IL3RA: variants seen among roughly 807,000 people sequenced by gnomAD.
IL3RA encodes interleukin 3 receptor subunit alpha.
IL3RA carries 73 observed loss-of-function variants against 52.3 expected under a neutral mutation model. That is an observed-to-expected ratio of 1.40 (90% CI 1.16 to 1.70). The LOEUF (loss-of-function observed/expected upper bound fraction) is 1.70. Among genes scored for constraint, IL3RA ranks in the 40% most tolerant of loss-of-function variants. The pLI is 0.00. For missense variants in IL3RA, 664 were observed against 504.4 expected (o/e 1.32, Z -3.03); for synonymous variants, 260 against 194.0 (o/e 1.34, Z -2.83).
At chrX:1,337,941 G>A (rs758923918) in intron 1 of IL3RA, among the ~76,000 whole-genome samples, 4 of 147,568 alleles carry the variant, frequency 2.7e-5, no homozygotes, top group Non-Finnish European at 6.0e-5. Context: ...ATACAGCCAT[G>A]AAAAGGAACA....
chrX:1,363,740 G>C (rs2087678348), intron 8 of IL3RA, among the ~76,000 whole-genome samples: 1 of 151,690 alleles, frequency 6.6e-6, no homozygotes, highest in Admixed American at 6.6e-5. Context: ...TTTAATTTCA[G>C]ACAGGCTCTC....
intron 4 of IL3RA, among the ~76,000 whole-genome samples, chrX:1,348,961 TTCTCTC>T (rs764879062): frequency 4.1e-5 from 6 of 145,302 alleles, no homozygotes; most frequent in African/African-American, 1.5e-4. Context: ...CTCCTTCCCT[TTCTCTC>T]TCTCTCTCTT....
chrX:1,348,481 G>A lies in IL3RA; in HGVS notation c.234G>A (p.Val78=), dbSNP rs1338854251. The change falls in exon 4 of 12, where the codon GTG becomes GTA. Residue 78 remains valine, a synonymous_variant. Coordinates refer to ENST00000331035, the MANE Select transcript of IL3RA (RefSeq NM_002183.4). ...CQFGAISLCE[V]TNYTVRVANP... is the part of the protein sequence containing the mutation. The stretch of plus-strand genomic sequence containing the variant: ...TTGGAGCAATTTCCTTATGTGAAGT[G>A]ACCAACTACACCGTCCGAGTGGCCA... The A allele has an allele frequency of 5.6e-6, 9 of 1,613,810 alleles. No individual in the cohort carries two copies. Among genetic ancestry groups the A allele is most frequent in the African/African-American group, 1.3e-5 (1 of 74,912 alleles).
intron 6 of IL3RA, among the ~76,000 whole-genome samples, chrX:1,354,325 C>T (rs1311864211): frequency 1.3e-5 from 2 of 152,010 alleles, no homozygotes; most frequent in Admixed American, 1.3e-4. Flanking sequence ...CCACGATACC[C>T]GAGCTCCGAG....
chrX:1,338,529 T>A (rs1169086694), intron 1 of IL3RA, among the ~76,000 whole-genome samples: 2 of 152,208 alleles, frequency 1.3e-5, no homozygotes. Context: ...AGCCACACGG[T>A]GGAATATTAC....
chrX:1,348,172 C>G (rs1188626455), intron 3 of IL3RA, among the ~76,000 whole-genome samples: 29 of 150,410 alleles, frequency 1.9e-4, no homozygotes, highest in Admixed American at 6.6e-5. Context: ...CATGGTGAAA[C>G]CCTGTCTCTA....
Position 1,348,561 on chromosome X carries a change from A to G in IL3RA, c.298+16A>G. 1.3e-6 allele frequency: 2 copies of G among 1,586,498 alleles called. No homozygotes were observed. The highest frequency in any genetic ancestry group is 1.1e-5 in the South Asian group (1 of 90,560). ...CCTGAGAACAGTGAGAAAAATGTTC[A>G]TTGTTTGTTTATTCTCTATTCCCTC... On this transcript the variant is annotated intron_variant, in intron 4 of 11. Transcript: ENST00000331035.
chrX:1,356,490 C>T (rs1189081728), intron 7 of IL3RA, among the ~76,000 whole-genome samples, 154 bp downstream of exon 7: 4 of 150,778 alleles, frequency 2.7e-5, no homozygotes, highest in African/African-American at 9.7e-5. Flanking sequence ...AAACAAAAGG[C>T]CGGGCGCTGT....
At chrX:1,357,965 C>T (rs1158676484) in intron 7 of IL3RA, among the ~76,000 whole-genome samples, 4 of 151,212 alleles carry the variant, frequency 2.6e-5, no homozygotes, top group Admixed American at 6.6e-5. Context: ...ATTAGCTGGG[C>T]GTGGTGGCGG....
intron 6 of IL3RA, among the ~76,000 whole-genome samples, chrX:1,355,684 G>T (rs2086656760): frequency 6.6e-6 from 1 of 151,942 alleles, no homozygotes; most frequent in South Asian, 2.1e-4. Context: ...AAGCCAGGCA[G>T]GGGCCAGGAA....
chrX:1,377,485 C>T (rs1313579628), intron 9 of IL3RA, among the ~76,000 whole-genome samples: 3 of 152,008 alleles, frequency 2.0e-5, no homozygotes, highest in Non-Finnish European at 2.9e-5. Flanking sequence ...TCAGGTGATC[C>T]GCCCGCCTTG....
chrX:1,366,018 C>G (rs867121890), intron 9 of IL3RA, among the ~76,000 whole-genome samples: 3 of 5,098 alleles, frequency 5.9e-4, no homozygotes, highest in Non-Finnish European at 8.8e-4. Context: ...AGCCGGGTGC[C>G]CCGGGTGAGC....
At chrX:1,354,694 G>A in intron 6 of IL3RA, among the ~76,000 whole-genome samples, 2 of 92,036 alleles carry the variant, frequency 2.2e-5, no homozygotes, top group East Asian at 2.9e-4. Context: ...AAACAGGAGG[G>A]GGAGGAAGAG....
At chrX:1,341,521 C>T (rs1393755315) in intron 1 of IL3RA, among the ~76,000 whole-genome samples, 5 of 136,220 alleles carry the variant, frequency 3.7e-5, no homozygotes, top group African/African-American at 1.3e-4. Flanking sequence ...AATATTCGTG[C>T]ACACATGTAG....
At chrX:1,365,288 G>A in intron 9 of IL3RA, 36 bp downstream of exon 9, 1 of 1,443,836 alleles carries the variant, frequency 6.9e-7, no homozygotes, top group African/African-American at 1.7e-5. Context: ...GGGTGAGCGG[G>A]GTGAGCGGGG....
At chrX:1,377,692 GTC>G (rs1748010799) in intron 9 of IL3RA, among the ~76,000 whole-genome samples, 1 of 142,358 alleles carries the variant, frequency 7.0e-6, no homozygotes, top group South Asian at 2.3e-4. Flanking sequence ...TGGAGAGAGA[GTC>G]TCTCTCTATT....
intron 10 of IL3RA, 142 bp from the exon 11 acceptor site, chrX:1,380,881 G>A (rs2089146317): frequency 2.8e-6 from 2 of 719,900 alleles, no homozygotes; most frequent in East Asian, 5.0e-5. Context: ...GGCCTCAGGG[G>A]CCGGGAAAAT....
Position 1,365,221 on chromosome X carries a change from C to T in IL3RA, c.843C>T (p.Phe281=), listed in dbSNP as rs757831175. The change falls in exon 9 of 12, where the codon TTC becomes TTT. Residue 281 remains phenylalanine (F), a synonymous_variant. Transcript: ENST00000331035. ...GAGCCCGGGAAAGAGTGTATGAATT[C>T]TTGAGCGCCTGGAGCACCCCCCAGC... is the stretch of plus-strand genomic sequence containing the variant. ...QIRARERVYE[F]LSAWSTPQRF... The T allele has an allele frequency of 6.2e-6, 10 of 1,610,082 alleles. No homozygotes were observed. The South Asian group carries it at 8.8e-5, about 14-fold the overall frequency.
chrX:1,361,888 T>C (rs1342826565), intron 8 of IL3RA, among the ~76,000 whole-genome samples: 1 of 151,884 alleles, frequency 6.6e-6, no homozygotes, highest in South Asian at 2.1e-4. Flanking sequence ...AGTTATGTCC[T>C]ACCCAGTCCC....
Sources: allele counts gnomAD v4.1 joint callset (sites outside exome capture counted in the v4.1 genomes callset), GRCh38; gene constraint gnomAD v4.1.1; transcripts MANE v1.5; gene names NCBI Gene and HGNC (gene_info 2026-07-23, HGNC 2026-07-21).